Variants in MYO19 observed in about 807,000 individuals in gnomAD.
MYO19 encodes unconventional myosin-XIX.
Under a neutral mutation model 129.2 loss-of-function variants are expected in MYO19, and 132 were observed. That is an observed-to-expected ratio of 1.02 (90% CI 0.89 to 1.18). The LOEUF is 1.18. MYO19 is among the 50% of genes most tolerant of loss of function. The probability of loss-of-function intolerance (pLI) is 0.00; values close to 1 mark genes in which losing one functional copy is unlikely to be tolerated. For synonymous variants in MYO19, 531 were observed against 477.2 expected, an observed-to-expected ratio of 1.11 and a Z score of -1.47; for missense variants, 1,210 against 1,216.7, an observed-to-expected ratio of 0.99 and a Z score of 0.08.
chr17:36,522,658 C>T (rs999505089), intron 6 of MYO19, among the ~76,000 whole-genome samples: 6 of 151,378 alleles, frequency 4.0e-5, no homozygotes, highest in Non-Finnish European at 8.8e-5. Context: ...TCACTTGAGG[C>T]CAGGAGTTCA....
chr17:36,544,113 C>T (rs1028927070), upstream of MYO19, among the ~76,000 whole-genome samples: 1 of 152,230 alleles, frequency 6.6e-6, no homozygotes, highest in African/African-American at 2.4e-5. Context: ...TCCTCGGAGA[C>T]GGCCAGAGGG....
intron 5 of MYO19, 126 bp from the exon 6 acceptor site, chr17:36,525,467 T>G (rs551367226): frequency 2.9e-6 from 2 of 699,552 alleles, no homozygotes; most frequent in African/African-American, 1.8e-5. Context: ...CAGAAAAATT[T>G]TCTGGATGTC....
chr17:36,496,486 A>C (rs2070988290), intron 25 of MYO19, 80 bp from the exon 26 acceptor site: 1 of 1,396,352 alleles, frequency 7.2e-7, no homozygotes, highest in Non-Finnish European at 1.0e-6. Flanking sequence ...AGCAGACGCT[A>C]AAAATGCAAG....
At chr17:36,532,460 A>G in intron 3 of MYO19, 67 bp downstream of exon 3, 4 of 1,544,446 alleles carry the variant, frequency 2.6e-6, no homozygotes, top group Non-Finnish European at 3.5e-6. Flanking sequence ...CCTTCCTTCC[A>G]GGTTAGGGCT....
At chr17:36,505,218 G>T (rs1177592955) in intron 19 of MYO19, 79 bp downstream of exon 19, 6 of 1,261,934 alleles carry the variant, frequency 4.8e-6, no homozygotes, top group Non-Finnish European at 7.0e-6. Context: ...ATTTGGAACA[G>T]ATGTCCTGCC....
chr17:36,542,659 A>T (rs1000420717), intron 1 of MYO19, among the ~76,000 whole-genome samples: 1 of 151,288 alleles, frequency 6.6e-6, no homozygotes, highest in Non-Finnish European at 1.5e-5. Context: ...AGATAGCGCC[A>T]CTGCACTCCA....
intron 5 of MYO19, among the ~76,000 whole-genome samples, chr17:36,527,081 G>A (rs1197107366): frequency 1.3e-5 from 2 of 152,036 alleles, no homozygotes; most frequent in African/African-American, 4.8e-5. Flanking sequence ...CAGGAGAATT[G>A]CTTGAACTCA....
At chr17:36,509,762 T>C (rs992662816) in intron 13 of MYO19, 1 of 152,860 alleles carries the variant, frequency 6.5e-6, no homozygotes, top group East Asian at 1.9e-4. Context: ...CTTCAGTAAA[T>C]AAACTGGCTC....
chr17:36,508,052 T>A, intron 14 of MYO19, 128 bp from the exon 15 acceptor site: 1 of 1,011,326 alleles, frequency 9.9e-7, no homozygotes, highest in Non-Finnish European at 1.4e-6. Flanking sequence ...TCAGGCTGAG[T>A]GAGCATGACA....
chr17:36,537,414 G>A (rs752927440), upstream of MYO19: 9 of 1,613,952 alleles, frequency 5.6e-6, no homozygotes, highest in Non-Finnish European at 7.6e-6. Flanking sequence ...GACCTGCTAT[G>A]CCAGACTGCC....
chr17:36,512,238 A>AC (rs1555575833), intron 11 of MYO19, among the ~76,000 whole-genome samples: 10 of 99,598 alleles, frequency 1.0e-4, no homozygotes, highest in East Asian at 4.6e-4. Context: ...CACACACACA[A>AC]AATTAGCTGG....
rs2071814217 is a variant in MYO19 at position 36,505,407 on chromosome 17, G to C, written c.1798-3C>G. 2 of 1,612,802 alleles carry C rather than the reference G, an allele frequency of 1.2e-6. No individual in the cohort carries two copies. Among genetic ancestry groups the C allele is most frequent in the East Asian group, 2.2e-5 (1 of 44,900 alleles). ...TGCAGAAGCTGCTCCAGTGAGGCCTGCAGATGAGAGACCATGGGGTTAGGC... is the reference window on the plus strand; with the variant it reads ...TGCAGAAGCTGCTCCAGTGAGGCCTCCAGATGAGAGACCATGGGGTTAGGC... On this transcript the variant is annotated splice_polypyrimidine_tract_variant and splice_region_variant and intron_variant, in intron 18 of 25. Coordinates refer to ENST00000614623, the MANE Select transcript of MYO19 (RefSeq NM_001163735.2).
intron 6 of MYO19, among the ~76,000 whole-genome samples, chr17:36,516,511 C>T (rs936905744): frequency 1.3e-5 from 2 of 152,152 alleles, no homozygotes; most frequent in African/African-American, 4.8e-5. Flanking sequence ...GCTAGGATTA[C>T]AGGCGCACGC....
intron 16 of MYO19, 88 bp downstream of exon 16, chr17:36,507,311 G>T: frequency 7.0e-7 from 1 of 1,433,690 alleles, no homozygotes. Context: ...GGAGGAGAGA[G>T]GCACAGAGAG....
chr17:36,520,149 T>C (rs374334952), intron 6 of MYO19, among the ~76,000 whole-genome samples: 3 of 152,088 alleles, frequency 2.0e-5, no homozygotes, highest in African/African-American at 7.2e-5. Context: ...TAATTTTTTG[T>C]ATTTTTAATA....
rs372375522 is a variant in MYO19 at position 36,498,440 on chromosome 17, G to C, written c.2583C>G (p.Ile861Met). ...GGACCAGTCCCAGGGGCCAGAGGCG[G>C]ATTATTGCCTCCAGGAGCCTGGTCT... ...PLQTRLLEAI[I>M]RLWPLGLVLA... Residue 861 changes from isoleucine (I) to methionine (M), a missense_variant, in exon 25 of 26, where the codon ATC becomes ATG. Transcript: ENST00000614623. 7 of 1,614,030 alleles carry C rather than the reference G, an allele frequency of 4.3e-6. No individual in the cohort carries two copies. The Admixed American group carries it at 5.0e-5, about 12-fold the overall frequency.
intron 21 of MYO19, chr17:36,502,790 A>C (rs1362688211): frequency 2.4e-6 from 1 of 419,914 alleles, no homozygotes; most frequent in African/African-American, 2.0e-5. Context: ...GCCTTTGTTC[A>C]GATTACATTT....
chr17:36,513,748 G>A (rs750982929), intron 9 of MYO19, 23 bp from the exon 10 acceptor site: 1 of 1,604,174 alleles, frequency 6.2e-7, no homozygotes, highest in East Asian at 2.2e-5. Flanking sequence ...GTAGGTGGGA[G>A]GCTGGGTAGG....
chr17:36,529,357 C>T (rs974167108), intron 3 of MYO19, among the ~76,000 whole-genome samples: 1 of 152,092 alleles, frequency 6.6e-6, no homozygotes, highest in Non-Finnish European at 1.5e-5. Context: ...CCCTCCACTT[C>T]CTCCTGTGGT....
Sources: allele counts gnomAD v4.1 joint callset (sites outside exome capture counted in the v4.1 genomes callset), GRCh38; gene constraint gnomAD v4.1.1; transcripts MANE v1.5; gene names NCBI Gene and HGNC (gene_info 2026-07-23, HGNC 2026-07-21).